The following RALGAPA2 variants were observed in gnomAD, a reference collection of about 807,000 sequenced individuals.
The protein encoded by RALGAPA2 is ral GTPase-activating protein subunit alpha-2.
A neutral mutation model predicts 230.4 loss-of-function variants in RALGAPA2; 139 were observed. That is an observed-to-expected ratio of 0.60 (90% CI 0.53 to 0.69). RALGAPA2 has a LOEUF of 0.69. RALGAPA2 is among the 30% of genes least tolerant of loss of function. RALGAPA2 has a pLI of 0.00. For synonymous variants in RALGAPA2, 847 were observed against 837.8 expected, an observed-to-expected ratio of 1.01 and a Z score of -0.19; for missense variants, 2,163 against 2,276.0, an observed-to-expected ratio of 0.95 and a Z score of 1.01.
Position 20,712,141 on chromosome 20 carries a change from G to T in RALGAPA2, c.106+234C>A, listed in dbSNP as rs551008626. Among the ~76,000 whole-genome samples, 1 of 152,258 alleles carries T rather than the reference G, an allele frequency of 6.6e-6. No individual in the cohort carries two copies. Among genetic ancestry groups the T allele is most frequent in the South Asian group, 2.1e-4 (1 of 4,816 alleles). ...TTCTCCGGGAGCGCAGGCGCCCAGC[G>T]AGAATCTGGGCTAAGTTTAACTCGA... is the stretch of plus-strand genomic sequence containing the variant. On this transcript the variant is annotated intron_variant, in intron 1 of 39. Transcript: ENST00000202677. The surrounding 1 kb of genome is among the most constrained non-coding windows in gnomAD (Gnocchi z 5.5).
intron 26 of RALGAPA2, among the ~76,000 whole-genome samples, chr20:20,533,827 C>G (rs1014358544): frequency 2.0e-5 from 3 of 151,840 alleles, no homozygotes; most frequent in African/African-American, 7.3e-5. Context: ...AAAAAAGATA[C>G]CTATAGAATT....
At chr20:20,694,240 T>C (rs73298819) in intron 1 of RALGAPA2, among the ~76,000 whole-genome samples, 1,697 of 152,122 alleles carry the variant, frequency 0.011, 29 homozygotes, top group African/African-American at 0.039. Context: ...AGGAGAGATA[T>C]GGTACAAGTC....
intron 1 of RALGAPA2, among the ~76,000 whole-genome samples, chr20:20,687,360 G>T (rs1568754619): frequency 1.3e-5 from 2 of 152,166 alleles, no homozygotes; most frequent in Admixed American, 6.6e-5. Context: ...AGCTGCCTAG[G>T]TCCCTGGGTA....
intron 1 of RALGAPA2, among the ~76,000 whole-genome samples, chr20:20,705,423 G>A (rs529234835): frequency 6.6e-5 from 10 of 152,036 alleles, no homozygotes; most frequent in Admixed American, 1.3e-4. Context: ...GCCCAGGCTA[G>A]TACTGAACTT....
chr20:20,458,869 TATATATACAC>T (rs1569418324), intron 37 of RALGAPA2, among the ~76,000 whole-genome samples: 40 of 11,126 alleles, frequency 3.6e-3, no homozygotes, highest in East Asian at 0.011. Context: ...TATATATATA[TATATATACAC>T]ACACACAAAT....
At chr20:20,653,453 T>C in intron 4 of RALGAPA2, 77 bp downstream of exon 4, 2 of 803,116 alleles carry the variant, frequency 2.5e-6, no homozygotes, top group South Asian at 3.2e-5. Context: ...ATCTTGATGA[T>C]ATCAATTATA....
intron 37 of RALGAPA2, among the ~76,000 whole-genome samples, chr20:20,468,957 G>C (rs912009354): frequency 6.7e-6 from 1 of 149,126 alleles, no homozygotes; most frequent in Non-Finnish European, 1.5e-5. Flanking sequence ...GTGTGTGTGT[G>C]TGTGTTTGTG....
At chr20:20,480,903 A>C (rs1343772510) in intron 36 of RALGAPA2, among the ~76,000 whole-genome samples, 1 of 152,174 alleles carries the variant, frequency 6.6e-6, no homozygotes, top group African/African-American at 2.4e-5. Flanking sequence ...CCTGGGGATT[A>C]ATAAGATTTT....
intron 37 of RALGAPA2, among the ~76,000 whole-genome samples, chr20:20,465,147 C>A (rs1397683313): frequency 4.5e-5 from 1 of 22,264 alleles, no homozygotes; most frequent in Non-Finnish European, 1.1e-4. Context: ...CCCCGCAGGC[C>A]TTCACACACA....
intron 4 of RALGAPA2, among the ~76,000 whole-genome samples, chr20:20,644,045 G>A (rs561147783): frequency 1.6e-4 from 24 of 152,210 alleles, no homozygotes; most frequent in East Asian, 9.6e-4. Context: ...AGGCTGACTC[G>A]GAACTCCAGT....
chr20:20,413,960 T>G (rs181225587), intron 37 of RALGAPA2, among the ~76,000 whole-genome samples: 1 of 152,254 alleles, frequency 6.6e-6, no homozygotes, highest in African/African-American at 2.4e-5. Context: ...CGTCTCATTA[T>G]GAACACACTT....
At chr20:20,555,640 A>C (rs1047240927) in intron 23 of RALGAPA2, among the ~76,000 whole-genome samples, 2 of 152,172 alleles carry the variant, frequency 1.3e-5, no homozygotes, top group African/African-American at 4.8e-5. Context: ...TTTATTCCTA[A>C]GTATTTGATT....
At chr20:20,607,319 T>C (rs886678872) in intron 14 of RALGAPA2, among the ~76,000 whole-genome samples, 3 of 152,218 alleles carry the variant, frequency 2.0e-5, no homozygotes, top group Admixed American at 1.3e-4. Flanking sequence ...TCTGTTTCAA[T>C]TTGTGTTTAC....
At chr20:20,500,632 G>T (rs1321348414) in intron 35 of RALGAPA2, among the ~76,000 whole-genome samples, 1 of 152,262 alleles carries the variant, frequency 6.6e-6, no homozygotes, top group Admixed American at 6.5e-5. Flanking sequence ...ATCCATGAGG[G>T]TGGGACTCTA....
rs1269358099 is a variant in RALGAPA2 at position 20,503,344 on chromosome 20, C to G, written c.5208+7G>C. 6.4e-7 allele frequency: 1 copy of G among 1,566,488 alleles called. No individual in the cohort carries two copies. The highest frequency in any genetic ancestry group is 1.8e-5 in the Admixed American group (1 of 57,100). ...AGCTAAGAATGGTGCCCGAGGAGAC[C>G]CCTTACCTTTTTGGTGAGGGAATCA... is the stretch of plus-strand genomic sequence containing the variant. On this transcript the variant is annotated splice_region_variant and intron_variant, in intron 35 of 39. Coordinates refer to ENST00000202677, the MANE Select transcript of RALGAPA2 (RefSeq NM_020343.4).
chr20:20,529,024 G>A (rs138354452), intron 27 of RALGAPA2, among the ~76,000 whole-genome samples: 4 of 152,270 alleles, frequency 2.6e-5, no homozygotes, highest in Admixed American at 1.3e-4. Context: ...TCATTTCTTC[G>A]ATTTATGTGC....
chr20:20,677,887 C>A (rs2068391211), intron 2 of RALGAPA2, among the ~76,000 whole-genome samples: 1 of 151,860 alleles, frequency 6.6e-6, no homozygotes, highest in African/African-American at 2.4e-5. Flanking sequence ...ACCTCGTGAT[C>A]TGCCCTCCTC....
chr20:20,621,779 C>A (rs191846259), intron 10 of RALGAPA2, among the ~76,000 whole-genome samples: 1 of 152,306 alleles, frequency 6.6e-6, no homozygotes, highest in Non-Finnish European at 1.5e-5. Flanking sequence ...GTTTTAAGGA[C>A]TATTTCTATA....
chr20:20,392,939 G>T lies in RALGAPA2; in HGVS notation c.*350C>A. Reference sequence around the variant, plus strand: ...TCATCTGCCCAGAGCAGCCACACCAGTGCCCACGTGTCAGTGGGTTCATCT... The same window carrying T: ...TCATCTGCCCAGAGCAGCCACACCATTGCCCACGTGTCAGTGGGTTCATCT... On this transcript the variant is annotated 3_prime_UTR_variant, in exon 40 of 40. Coordinates refer to ENST00000202677, the MANE Select transcript of RALGAPA2 (RefSeq NM_020343.4). 1 of 593,508 alleles carries T rather than the reference G, an allele frequency of 1.7e-6. No individual in the cohort carries two copies. Among genetic ancestry groups the T allele is most frequent in the Non-Finnish European group, 2.5e-6 (1 of 392,170 alleles). 36.8% of individuals were successfully genotyped at this position (593,508 alleles called of 1,614,324 possible).
Sources: gnomAD v4.1 joint callset for allele counts (sites outside exome capture counted in the v4.1 genomes callset) on GRCh38, gnomAD v4.1.1 for gene constraint, Gnocchi (gnomAD v3.1) non-coding constraint, MANE v1.5 for transcripts, NCBI Gene and HGNC (gene_info 2026-07-23, HGNC 2026-07-21) for gene names.